The following TENM3 variants were observed in gnomAD, a reference collection of about 807,000 sequenced individuals.
TENM3 encodes teneurin transmembrane protein 3.
In TENM3, 63 loss-of-function variants were observed where a neutral mutation model predicts 255.1. The ratio of observed to expected loss-of-function variants is 0.25; its 90% CI spans 0.20 to 0.30. The LOEUF is 0.30. Ranked by LOEUF, TENM3 falls within the 10% of genes least tolerant of loss-of-function variation. The pLI, the probability that TENM3 is intolerant of heterozygous loss-of-function variation, is 1.00. For synonymous variants in TENM3, 1,306 were observed against 1,322.3 expected, an observed-to-expected ratio of 0.99 and a Z score of 0.27; for missense variants, 2,929 against 3,461.1, an observed-to-expected ratio of 0.85 and a Z score of 3.86.
At chr4:182,437,216 T>C (rs1265875233) in intron 3 of TENM3, among the ~76,000 whole-genome samples, 3 of 152,308 alleles carry the variant, frequency 2.0e-5, no homozygotes, top group Admixed American at 1.3e-4. Context: ...CATTTGGAAA[T>C]AGCTGAGTGA....
the TENM3 span, among the ~76,000 whole-genome samples, chr4:182,120,515 T>C: frequency 6.6e-6 from 1 of 152,184 alleles, no homozygotes; most frequent in South Asian, 2.1e-4. Context: ...TGTATACATA[T>C]ATGTAACAAA....
the TENM3 span, among the ~76,000 whole-genome samples, chr4:181,746,756 T>C: frequency 7.9e-6 from 1 of 127,020 alleles, no homozygotes; most frequent in African/African-American, 3.2e-5. Flanking sequence ...TAATCAGCTA[T>C]TTTTTTTTTT....
intron 1 of TENM3, among the ~76,000 whole-genome samples, chr4:182,281,401 C>T (rs190912871): frequency 1.3e-4 from 20 of 152,272 alleles, no homozygotes; most frequent in Non-Finnish European, 2.5e-4. Flanking sequence ...TATAAACCCT[C>T]TCACTATTAC....
chr4:182,602,908 T>C (rs1748038737), intron 4 of TENM3, among the ~76,000 whole-genome samples: 1 of 152,226 alleles, frequency 6.6e-6, no homozygotes, highest in Non-Finnish European at 1.5e-5. Flanking sequence ...CAATAATTGT[T>C]TTGACAAATA....
chr4:182,641,274 A>G (rs912656975), intron 5 of TENM3, among the ~76,000 whole-genome samples: 13 of 152,204 alleles, frequency 8.5e-5, no homozygotes, highest in African/African-American at 2.7e-4. Flanking sequence ...GAACTGGACT[A>G]TTACATAGGA....
chr4:181,850,167 A>C, the TENM3 span, among the ~76,000 whole-genome samples: 1 of 149,006 alleles, frequency 6.7e-6, no homozygotes, highest in Non-Finnish European at 1.5e-5. Context: ...TTTATCTTTA[A>C]TTTTATTTTT....
intron 27 of TENM3, 125 bp downstream of exon 27, chr4:182,796,892 GA>G (rs938666763): frequency 2.7e-5 from 18 of 664,970 alleles, no homozygotes; most frequent in African/African-American, 3.7e-5. Flanking sequence ...CTGTTTTAGG[GA>G]AAAAAAACAA....
intron 3 of TENM3, among the ~76,000 whole-genome samples, chr4:182,520,030 T>C (rs1738402816): frequency 6.6e-6 from 1 of 152,154 alleles, no homozygotes; most frequent in African/African-American, 2.4e-5. Flanking sequence ...TAGTTAATGT[T>C]GGCTGTTAAT....
intron 1 of TENM3, among the ~76,000 whole-genome samples, chr4:182,235,214 A>G (rs2150035571): frequency 6.6e-6 from 1 of 152,310 alleles, no homozygotes; most frequent in Admixed American, 6.5e-5. Context: ...ATAGCTCTGA[A>G]ATGCCTTGGG....
chr4:181,616,938 A>T, the TENM3 span, among the ~76,000 whole-genome samples: 8 of 152,130 alleles, frequency 5.3e-5, no homozygotes, highest in African/African-American at 1.4e-4. Flanking sequence ...CTCGTAAATA[A>T]TGCTTTCTTT....
the TENM3 span, among the ~76,000 whole-genome samples, chr4:181,939,790 G>A: frequency 4.0e-4 from 61 of 152,334 alleles, no homozygotes; most frequent in Middle Eastern, 3.4e-3. Context: ...AGAGGTGTCC[G>A]CTGCCTCCTC....
the TENM3 span, among the ~76,000 whole-genome samples, chr4:181,870,975 A>G: frequency 6.6e-6 from 1 of 152,024 alleles, no homozygotes; most frequent in Non-Finnish European, 1.5e-5. Context: ...GTTGAAATGC[A>G]TTTATTTTTA....
intron 12 of TENM3, among the ~76,000 whole-genome samples, chr4:182,697,507 C>G (rs1757516308): frequency 6.6e-6 from 1 of 152,140 alleles, no homozygotes; most frequent in Non-Finnish European, 1.5e-5. Flanking sequence ...TCCTGCTCTG[C>G]AAGTCCCAGT....
intron 4 of TENM3, among the ~76,000 whole-genome samples, chr4:182,602,225 T>C (rs1249354053): frequency 6.6e-6 from 1 of 152,210 alleles, no homozygotes; most frequent in Non-Finnish European, 1.5e-5. Flanking sequence ...CCTCTTATTC[T>C]TTATTTCTTC....
At chr4:181,780,984 TCTGTTTTGGTACCAGTACCATG>T in the TENM3 span, among the ~76,000 whole-genome samples, 10 of 152,152 alleles carry the variant, frequency 6.6e-5, no homozygotes, top group African/African-American at 2.4e-4. Flanking sequence ...GGTCTATATC[TCTGTTTTGGTACCAGTACCATG>T]CTGTTTTGGT....
intron 1 of TENM3, among the ~76,000 whole-genome samples, chr4:182,268,949 C>T (rs1434795551): frequency 2.6e-5 from 4 of 151,966 alleles, no homozygotes; most frequent in Non-Finnish European, 2.9e-5. Flanking sequence ...GTGAACTTGC[C>T]CTGAATTCTT....
the TENM3 span, among the ~76,000 whole-genome samples, chr4:181,514,595 G>A: frequency 2.6e-5 from 4 of 152,114 alleles, no homozygotes; most frequent in Non-Finnish European, 1.5e-5. Context: ...TTGAAGCAAT[G>A]AGCCTTGTTG....
At chr4:182,630,863 T>A (rs984394472) in intron 5 of TENM3, among the ~76,000 whole-genome samples, 6 of 152,140 alleles carry the variant, frequency 3.9e-5, no homozygotes, top group African/African-American at 1.2e-4. Flanking sequence ...TCCTTTCTGA[T>A]TGATAAGTGC....
At chr4:181,716,949 T>G in the TENM3 span, among the ~76,000 whole-genome samples, 1 of 152,312 alleles carries the variant, frequency 6.6e-6, no homozygotes, top group East Asian at 1.9e-4. Flanking sequence ...GGTTTGGGAT[T>G]ATTAGCACAT....
Sources: gnomAD v4.1 joint callset for allele counts (sites outside exome capture counted in the v4.1 genomes callset) on GRCh38, gnomAD v4.1.1 for gene constraint, MANE v1.5 for transcripts, NCBI Gene and HGNC (gene_info 2026-07-23, HGNC 2026-07-21) for gene names.